WWOX: variants seen among roughly 807,000 people sequenced by gnomAD.
WWOX encodes the protein WW domain-containing oxidoreductase.
Under a neutral mutation model 46.2 loss-of-function variants are expected in WWOX, and 69 were observed. That is an observed-to-expected ratio of 1.49 (90% CI 1.23 to 1.82). WWOX has a LOEUF of 1.82. WWOX is among the 40% of genes most tolerant of loss of function. WWOX has a pLI of 0.00. For missense variants in WWOX, 919 were observed against 542.6 expected (o/e 1.69, Z -6.89); for synonymous variants, 359 against 202.6 (o/e 1.77, Z -6.56).
At chr16:78,548,487 A>C (rs2044100004) in intron 8 of WWOX, among the ~76,000 whole-genome samples, 1 of 152,178 alleles carries the variant, frequency 6.6e-6, no homozygotes, top group East Asian at 1.9e-4. Context: ...TTTTTTAAGT[A>C]AGGTTTATTT....
chr16:78,693,144 A>C (rs929253174), intron 8 of WWOX, among the ~76,000 whole-genome samples: 1 of 152,168 alleles, frequency 6.6e-6, no homozygotes. Context: ...GTTGCAGACA[A>C]TGTATATTTA....
At chr16:78,814,164 C>T (rs918945827) in intron 8 of WWOX, among the ~76,000 whole-genome samples, 13 of 152,180 alleles carry the variant, frequency 8.5e-5, no homozygotes, top group Non-Finnish European at 1.0e-4. Flanking sequence ...TGCCGGCAAG[C>T]GGAGTCAGTT....
chr16:78,339,982 C>T (rs1021105838), intron 5 of WWOX, among the ~76,000 whole-genome samples: 1 of 67,690 alleles, frequency 1.5e-5, no homozygotes, highest in Non-Finnish European at 3.0e-5. Flanking sequence ...GTGTTACTTT[C>T]AGGGATAGTT....
intron 8 of WWOX, among the ~76,000 whole-genome samples, chr16:78,527,522 G>A (rs1307537363): frequency 6.6e-6 from 1 of 152,082 alleles, no homozygotes; most frequent in Non-Finnish European, 1.5e-5. Flanking sequence ...TTGAATTCCT[G>A]ACTTCAAGTG....
chr16:78,842,779 G>C lies in WWOX; in HGVS notation c.1057-368829G>C, dbSNP rs371407063. Among the ~76,000 whole-genome samples, 9 of 132,702 alleles carry C rather than the reference G, an allele frequency of 6.8e-5. 1 individual carries two copies. Among genetic ancestry groups the C allele is most frequent in the Admixed American group, 5.3e-4 (7 of 13,152 alleles). The allele number at this position is 132,702 out of a possible 152,430, so 87.1% of individuals were successfully genotyped here. A position where few individuals can be genotyped will look rare whatever the true frequency, so the allele number is the denominator to read the frequency against. On this transcript the variant is annotated intron_variant, in intron 8 of 8. Transcript: ENST00000566780. ...AGGCAGTAGATTCATTTGAGCCCAG[G>C]AGGCGGAGGTTGCAGTCAACCAAGA...
At chr16:78,829,437 C>A (rs1267323687) in intron 8 of WWOX, among the ~76,000 whole-genome samples, 1 of 152,218 alleles carries the variant, frequency 6.6e-6, no homozygotes, top group East Asian at 1.9e-4. Flanking sequence ...CAGTTTTACT[C>A]AGTCTACTGA....
intron 8 of WWOX, among the ~76,000 whole-genome samples, chr16:79,098,045 G>C (rs2049112783): frequency 6.6e-6 from 1 of 152,160 alleles, no homozygotes; most frequent in African/African-American, 2.4e-5. Context: ...CCAATATCTA[G>C]AGAGGCGCCT....
At chr16:79,208,393 A>AG (rs397789838) in intron 8 of WWOX, among the ~76,000 whole-genome samples, 1 of 150,334 alleles carries the variant, frequency 6.7e-6, no homozygotes, top group African/African-American at 2.5e-5. Flanking sequence ...AAAAAAAAAA[A>AG]TCGTTTAGGG....
At chr16:78,380,399 G>A (rs1213097059) in intron 5 of WWOX, among the ~76,000 whole-genome samples, 2 of 152,148 alleles carry the variant, frequency 1.3e-5, no homozygotes, top group African/African-American at 4.8e-5. Flanking sequence ...GATAATGACT[G>A]CACCCTGCGA....
At chr16:78,901,441 C>T (rs892878588) in intron 8 of WWOX, among the ~76,000 whole-genome samples, 3 of 152,150 alleles carry the variant, frequency 2.0e-5, no homozygotes, top group African/African-American at 4.8e-5. Flanking sequence ...ACTTCTGTTT[C>T]ATTTTCTGTT....
At chr16:78,792,813 A>T (rs563185584) in intron 8 of WWOX, among the ~76,000 whole-genome samples, 1 of 152,276 alleles carries the variant, frequency 6.6e-6, no homozygotes, top group South Asian at 2.1e-4. Context: ...GATTGCCAGC[A>T]GGGAGCTCTG....
At chr16:78,116,258 T>G (rs1384922534) in intron 4 of WWOX, among the ~76,000 whole-genome samples, 1 of 152,202 alleles carries the variant, frequency 6.6e-6, no homozygotes, top group African/African-American at 2.4e-5. Context: ...TCTTTCTATC[T>G]TTTTTGTACC....
intron 5 of WWOX, among the ~76,000 whole-genome samples, chr16:78,345,354 C>G (rs2081074974): frequency 9.2e-6 from 1 of 108,280 alleles, no homozygotes; most frequent in African/African-American, 3.1e-5. Flanking sequence ...GACATGCTGG[C>G]TCATACCTTT....
intron 6 of WWOX, among the ~76,000 whole-genome samples, chr16:78,394,501 G>A (rs1485623186): frequency 6.6e-6 from 1 of 152,080 alleles, no homozygotes; most frequent in Non-Finnish European, 1.5e-5. Context: ...TTTGCCTTCT[G>A]AAACTTTTTC....
At chr16:78,909,266 C>A (rs544216105) in intron 8 of WWOX, among the ~76,000 whole-genome samples, 1 of 152,262 alleles carries the variant, frequency 6.6e-6, no homozygotes, top group East Asian at 1.9e-4. Flanking sequence ...GTACAGTCAA[C>A]ATTAAGAGAC....
intron 8 of WWOX, among the ~76,000 whole-genome samples, chr16:78,806,580 C>G (rs1419111122): frequency 1.3e-5 from 2 of 152,084 alleles, no homozygotes; most frequent in Non-Finnish European, 2.9e-5. Context: ...GCTGGAACAC[C>G]TACACATTGT....
At chr16:78,890,959 G>T (rs889500690) in intron 8 of WWOX, 1 of 152,130 alleles carries the variant, frequency 6.6e-6, no homozygotes. Flanking sequence ...ACTGTTTGAG[G>T]ATATAAAAGG....
chr16:78,881,317 G>C (rs551191929), intron 8 of WWOX, among the ~76,000 whole-genome samples: 1 of 152,148 alleles, frequency 6.6e-6, no homozygotes, highest in Admixed American at 6.5e-5. Flanking sequence ...GTAAAATTTT[G>C]TCTACATAGT....
chr16:78,378,927 T>TA (rs1201220052), intron 5 of WWOX, among the ~76,000 whole-genome samples: 1 of 152,184 alleles, frequency 6.6e-6, no homozygotes, highest in Middle Eastern at 3.2e-3. Context: ...TTCCCGGTGT[T>TA]ACGTCTTCAA....
Sources: gnomAD v4.1 joint callset for allele counts (sites outside exome capture counted in the v4.1 genomes callset) on GRCh38, gnomAD v4.1.1 for gene constraint, MANE v1.5 for transcripts, NCBI Gene and HGNC (gene_info 2026-07-23, HGNC 2026-07-21) for gene names.